Variants in FAM171A1 observed in about 807,000 individuals in gnomAD.
FAM171A1 encodes the protein family with sequence similarity 171 member A1, also known as protein FAM171A1.
Under a neutral mutation model 74.9 loss-of-function variants are expected in FAM171A1, and 23 were observed. That is an observed-to-expected ratio of 0.31 (90% CI 0.22 to 0.44). The LOEUF (loss-of-function observed/expected upper bound fraction) is 0.44. Ranked by LOEUF, FAM171A1 falls within the 20% of genes least tolerant of loss-of-function variation. The pLI is 1.00. For missense variants in FAM171A1, 1,162 were observed against 1,159.2 expected (o/e 1.00, Z -0.03); for synonymous variants, 527 against 505.7 (o/e 1.04, Z -0.57).
At position 15,369,204 on chromosome 10, in the gene FAM171A1, T is replaced by C. The variant is rs183076745; in HGVS notation, c.97+1752A>G. Among the ~76,000 whole-genome samples the C allele has an allele frequency of 6.6e-4, 98 of 149,212 alleles. No homozygotes were observed. In the Middle Eastern group the frequency reaches 0.011, roughly 16 times the overall value. On this transcript the variant is annotated intron_variant, in intron 1 of 7. Coordinates refer to ENST00000378116, the MANE Select transcript of FAM171A1 (RefSeq NM_001010924.2). ...TGGTCTTAGACCTAAACCTGTTATATATATATTGAATATATATATATATAT... is the reference window on the plus strand; with the variant it reads ...TGGTCTTAGACCTAAACCTGTTATACATATATTGAATATATATATATATAT...
chr10:15,217,083 G>T (rs148713954), intron 6 of FAM171A1, among the ~76,000 whole-genome samples: 4 of 152,204 alleles, frequency 2.6e-5, no homozygotes, highest in African/African-American at 9.6e-5. Context: ...CGTGGCCAGA[G>T]ATCTCTTTAG....
intron 3 of FAM171A1, among the ~76,000 whole-genome samples, chr10:15,265,252 CGTGT>C (rs368142730): frequency 7.7e-4 from 115 of 150,230 alleles, no homozygotes; most frequent in Middle Eastern, 3.5e-3. Flanking sequence ...CGTGTGTGTG[CGTGT>C]GTGTGTGTGT....
At chr10:15,239,534 C>G (rs567009771) in intron 5 of FAM171A1, among the ~76,000 whole-genome samples, 41 of 152,214 alleles carry the variant, frequency 2.7e-4, no homozygotes, top group Non-Finnish European at 5.7e-4. Flanking sequence ...AACTCTTGAC[C>G]TCAAGTGATC....
Position 15,214,468 on chromosome 10 carries a change from G to A in FAM171A1, c.1120C>T (p.Pro374Ser). 2 of 1,614,190 alleles carry A rather than the reference G, an allele frequency of 1.2e-6. No homozygotes were observed. The highest frequency in any genetic ancestry group is 1.7e-6 in the Non-Finnish European group (2 of 1,180,050). The change falls in exon 8 of 8, where the codon CCT becomes TCT. Residue 374 changes from proline (P) to serine (S), a missense_variant. Coordinates refer to ENST00000378116, the MANE Select transcript of FAM171A1 (RefSeq NM_001010924.2). ...TGGCTGGTGACGGACAGCGGGCCAG[G>A]GAATTCTGACGCTCGGCGTGAAAAC... ...LLFSRRASEFPGPLSVTSHGR... is the reference protein window; with the variant it reads ...LLFSRRASEFSGPLSVTSHGR...
intron 6 of FAM171A1, among the ~76,000 whole-genome samples, chr10:15,216,323 GA>G (rs1410856798): frequency 1.3e-5 from 2 of 152,196 alleles, no homozygotes; most frequent in Non-Finnish European, 2.9e-5. Flanking sequence ...ACAGCCAGGA[GA>G]ACTTTGAATA....
intron 7 of FAM171A1, among the ~76,000 whole-genome samples, chr10:15,214,919 C>A (rs1032139332): frequency 9.2e-5 from 14 of 152,056 alleles, no homozygotes; most frequent in South Asian, 4.2e-4. Context: ...TGCCACCATG[C>A]CCAGCTAATT....
intron 1 of FAM171A1, among the ~76,000 whole-genome samples, chr10:15,290,310 C>T (rs1394440014): frequency 6.6e-6 from 1 of 152,114 alleles, no homozygotes; most frequent in Non-Finnish European, 1.5e-5. Context: ...CCCCTGCCCT[C>T]GGCTCCTCCT....
intron 1 of FAM171A1, among the ~76,000 whole-genome samples, chr10:15,332,013 G>A (rs555223677): frequency 4.6e-5 from 7 of 151,556 alleles, no homozygotes; most frequent in South Asian, 4.2e-4. Context: ...GCAATGGCGC[G>A]ATCTTGGCTC....
chr10:15,351,607 G>A (rs1054548937), intron 1 of FAM171A1, among the ~76,000 whole-genome samples: 43 of 151,508 alleles, frequency 2.8e-4, no homozygotes, highest in Middle Eastern at 3.4e-3. Flanking sequence ...ATGGATGGAT[G>A]GATGCATGGA....
chr10:15,365,129 C>T (rs1284514791), intron 1 of FAM171A1, among the ~76,000 whole-genome samples: 1 of 152,146 alleles, frequency 6.6e-6, no homozygotes, highest in Non-Finnish European at 1.5e-5. Flanking sequence ...ATCTCCAGAA[C>T]AAGGAACATC....
intron 4 of FAM171A1, among the ~76,000 whole-genome samples, chr10:15,249,659 T>G (rs1834483678): frequency 6.6e-6 from 1 of 152,196 alleles, no homozygotes; most frequent in Non-Finnish European, 1.5e-5. Context: ...CTAAAAAGTA[T>G]GCTATTGAGG....
At chr10:15,319,750 C>T (rs1377493562) in intron 1 of FAM171A1, among the ~76,000 whole-genome samples, 1 of 152,084 alleles carries the variant, frequency 6.6e-6, no homozygotes, top group African/African-American at 2.4e-5. Context: ...GGATTTTGAA[C>T]CTAGACCTTC....
chr10:15,368,666 A>G (rs1329309415), intron 1 of FAM171A1, among the ~76,000 whole-genome samples: 3 of 152,198 alleles, frequency 2.0e-5, no homozygotes, highest in Non-Finnish European at 4.4e-5. Context: ...GCACCATCTG[A>G]GCACCAACTG....
chr10:15,229,419 CG>C (rs1254556167), intron 5 of FAM171A1, among the ~76,000 whole-genome samples: 1 of 151,760 alleles, frequency 6.6e-6, no homozygotes, highest in Non-Finnish European at 1.5e-5. Context: ...TCATCATCAT[CG>C]TCATCACCAC....
chr10:15,301,362 A>ATATTTTT (rs575709720), intron 1 of FAM171A1, among the ~76,000 whole-genome samples: 123 of 141,550 alleles, frequency 8.7e-4, no homozygotes, highest in East Asian at 6.0e-3. Flanking sequence ...ATATATATAT[A>ATATTTTT]TTTTTTTTTT....
At chr10:15,265,010 T>A (rs1253527756) in intron 3 of FAM171A1, among the ~76,000 whole-genome samples, 1 of 151,906 alleles carries the variant, frequency 6.6e-6, no homozygotes, top group Non-Finnish European at 1.5e-5. Flanking sequence ...CAATTAAACA[T>A]GATTAAGCTC....
intron 1 of FAM171A1, among the ~76,000 whole-genome samples, chr10:15,341,041 T>C (rs1330834176): frequency 6.6e-6 from 1 of 152,194 alleles, no homozygotes; most frequent in Admixed American, 6.5e-5. Context: ...TCTCAAGCTT[T>C]TTAAGTGGCA....
Position 15,212,718 on chromosome 10 carries a change from G to A in FAM171A1, c.*197C>T, listed in dbSNP as rs1833905871. On this transcript the variant is annotated 3_prime_UTR_variant, in exon 8 of 8. Coordinates refer to ENST00000378116, the MANE Select transcript of FAM171A1 (RefSeq NM_001010924.2). ...CCACCTCCTTGCAGGGGCGACATCC[G>A]CCAAAGTCATCCTTTATTCCGAGTA... 2.5e-6 allele frequency: 2 copies of A among 803,126 alleles called. No homozygotes were observed. Among genetic ancestry groups the A allele is most frequent in the Admixed American group, 3.2e-5 (1 of 31,480 alleles). The allele number at this position is 803,126 out of a possible 1,614,324, so 49.7% of individuals were successfully genotyped here. A position where few individuals can be genotyped will look rare whatever the true frequency, so the allele number is the denominator to read the frequency against.
At chr10:15,249,576 T>C (rs1834482761) in intron 4 of FAM171A1, among the ~76,000 whole-genome samples, 1 of 152,200 alleles carries the variant, frequency 6.6e-6, no homozygotes, top group Non-Finnish European at 1.5e-5. Flanking sequence ...AACCAAATGT[T>C]TTAGAGCAGA....
Sources: allele counts gnomAD v4.1 joint callset (sites outside exome capture counted in the v4.1 genomes callset), GRCh38; gene constraint gnomAD v4.1.1; transcripts MANE v1.5; gene names NCBI Gene and HGNC (gene_info 2026-07-23, HGNC 2026-07-21).